PCDH7: variants seen among roughly 807,000 people sequenced by gnomAD.
The protein encoded by PCDH7 is protocadherin 7.
Under a neutral mutation model 58.9 loss-of-function variants are expected in PCDH7, and 17 were observed. The ratio of observed to expected loss-of-function variants is 0.29; its 90% confidence interval spans 0.20 to 0.43. The LOEUF (loss-of-function observed/expected upper bound fraction) is 0.43, where lower values mean the gene tolerates loss of function less well. PCDH7 is among the 20% of genes least tolerant of loss of function. The pLI, the probability that PCDH7 is intolerant of heterozygous loss-of-function variation, is 1.00. For synonymous variants in PCDH7, 664 were observed against 616.4 expected, an observed-to-expected ratio of 1.08 and a Z score of -1.14; for missense variants, 1,274 against 1,441.0, an observed-to-expected ratio of 0.88 and a Z score of 1.88.
intron 1 of PCDH7, among the ~76,000 whole-genome samples, chr4:30,863,828 T>A (rs1443178935): frequency 2.0e-5 from 3 of 152,118 alleles, no homozygotes; most frequent in Non-Finnish European, 4.4e-5. Context: ...AGAGAATAAA[T>A]TTCATAATTG....
intron 1 of PCDH7, among the ~76,000 whole-genome samples, chr4:30,781,298 G>A (rs1341893804): frequency 6.7e-6 from 1 of 149,406 alleles, no homozygotes; most frequent in Admixed American, 6.7e-5. Flanking sequence ...CCACCACCAC[G>A]CCTGGCTAAT....
chr4:31,022,339 G>A (rs1754095650), intron 3 of PCDH7, among the ~76,000 whole-genome samples: 1 of 152,290 alleles, frequency 6.6e-6, no homozygotes, highest in South Asian at 2.1e-4. Flanking sequence ...GGTAGAGTAA[G>A]TAATGACTTT....
chr4:30,828,665 A>C (rs1729395436), intron 1 of PCDH7, among the ~76,000 whole-genome samples: 1 of 152,078 alleles, frequency 6.6e-6, no homozygotes, highest in African/African-American at 2.4e-5. Flanking sequence ...TATGGTTCCG[A>C]GAGCATGGTT....
intron 3 of PCDH7, among the ~76,000 whole-genome samples, chr4:31,033,217 C>T (rs1755107565): frequency 6.6e-6 from 1 of 152,134 alleles, no homozygotes; most frequent in Non-Finnish European, 1.5e-5. Context: ...TAAAAGTGGA[C>T]CTCACGGATG....
chr4:30,781,805 G>A (rs1428719283), intron 1 of PCDH7, among the ~76,000 whole-genome samples: 1 of 152,064 alleles, frequency 6.6e-6, no homozygotes, highest in African/African-American at 2.4e-5. Context: ...CAAAGTGCTG[G>A]GATTACAAGC....
intron 1 of PCDH7, among the ~76,000 whole-genome samples, chr4:30,741,789 G>A (rs1257361164): frequency 6.6e-6 from 1 of 152,216 alleles, no homozygotes; most frequent in East Asian, 1.9e-4. Context: ...GAACAATCTG[G>A]CTCGATTTGG....
At chr4:30,832,852 C>T (rs970053184) in intron 1 of PCDH7, among the ~76,000 whole-genome samples, 51 of 152,228 alleles carry the variant, frequency 3.4e-4, no homozygotes, top group African/African-American at 1.1e-3. Flanking sequence ...ATGTGATCAA[C>T]GCAATAATGG....
chr4:30,899,309 G>GT (rs1397817256), intron 1 of PCDH7, among the ~76,000 whole-genome samples: 1 of 152,126 alleles, frequency 6.6e-6, no homozygotes. Context: ...TGTATTCCAG[G>GT]TTTTGAAGGA....
chr4:31,052,447 A>C (rs927744430), intron 3 of PCDH7, among the ~76,000 whole-genome samples: 4 of 152,150 alleles, frequency 2.6e-5, no homozygotes, highest in African/African-American at 4.8e-5. Flanking sequence ...AGTTTTATTG[A>C]GAGGTGGTAG....
intron 3 of PCDH7, among the ~76,000 whole-genome samples, chr4:30,985,906 T>C (rs1750924616): frequency 6.6e-6 from 1 of 152,194 alleles, no homozygotes; most frequent in Admixed American, 6.5e-5. Context: ...TTTGGTTTAT[T>C]TAGATTTAAA....
intron 3 of PCDH7, among the ~76,000 whole-genome samples, chr4:31,019,783 C>A (rs1753889786): frequency 6.6e-6 from 1 of 151,748 alleles, no homozygotes; most frequent in South Asian, 2.1e-4. Context: ...CACACATGTA[C>A]AGACACGCAC....
At chr4:31,060,551 C>T (rs1340779987) in intron 3 of PCDH7, among the ~76,000 whole-genome samples, 1 of 151,794 alleles carries the variant, frequency 6.6e-6, no homozygotes, top group East Asian at 1.9e-4. Flanking sequence ...TTTTTGCCAT[C>T]AACTTAGGTT....
chr4:30,731,893 A>G (rs1560310286), exon 2 of PCDH7: 1 of 151,624 alleles, frequency 6.6e-6, no homozygotes, highest in African/African-American at 2.4e-5. Context: ...TAAGTGTTCC[A>G]TATGTAAAGT....
intron 3 of PCDH7, among the ~76,000 whole-genome samples, chr4:30,971,194 C>T (rs900311200): frequency 5.9e-5 from 9 of 152,166 alleles, no homozygotes; most frequent in African/African-American, 2.2e-4. Flanking sequence ...AGTTTCTTAA[C>T]TAGCTTGTAT....
At chr4:31,093,580 G>T (rs1036484209) in intron 3 of PCDH7, among the ~76,000 whole-genome samples, 1 of 133,422 alleles carries the variant, frequency 7.5e-6, no homozygotes. Context: ...AGTGCAAGGT[G>T]CAGTGAATTT....
At chr4:30,962,245 C>T (rs923690564) in intron 3 of PCDH7, among the ~76,000 whole-genome samples, 1 of 152,112 alleles carries the variant, frequency 6.6e-6, no homozygotes. Flanking sequence ...AAATGACTCT[C>T]GAATTGATAG....
At chr4:31,095,055 T>C (rs1196996178) in intron 3 of PCDH7, among the ~76,000 whole-genome samples, 1 of 152,038 alleles carries the variant, frequency 6.6e-6, no homozygotes, top group Non-Finnish European at 1.5e-5. Context: ...CAAAAAGACC[T>C]TTACCTGTAT....
At chr4:30,960,210 T>G (rs555765784) in intron 3 of PCDH7, among the ~76,000 whole-genome samples, 40 of 149,556 alleles carry the variant, frequency 2.7e-4, no homozygotes, top group African/African-American at 9.7e-4. Flanking sequence ...AAAGGATCAG[T>G]CCCCCAGTGC....
At chr4:30,897,148 C>G (rs1382883699) in intron 1 of PCDH7, among the ~76,000 whole-genome samples, 1 of 151,990 alleles carries the variant, frequency 6.6e-6, no homozygotes, top group African/African-American at 2.4e-5. Context: ...TCGTCATCCT[C>G]CCGCCTCGGC....
Sources: allele counts gnomAD v4.1 joint callset (sites outside exome capture counted in the v4.1 genomes callset), GRCh38; gene constraint gnomAD v4.1.1; transcripts MANE v1.5; gene names NCBI Gene and HGNC (gene_info 2026-07-23, HGNC 2026-07-21).